BLM: variants seen among roughly 807,000 people sequenced by gnomAD.
The protein encoded by BLM is recQ-like DNA helicase BLM.
A neutral mutation model predicts 135.3 loss-of-function variants in BLM; 95 were observed. The observed-to-expected ratio is 0.70, with a 90% confidence interval of 0.59 to 0.83. The LOEUF is 0.83. Ranked by LOEUF, BLM falls within the 40% of genes least tolerant of loss-of-function variation. BLM has a pLI of 0.00. For missense variants in BLM, 1,518 were observed against 1,663.9 expected, an observed-to-expected ratio of 0.91 and a Z score of 1.53; for synonymous variants, 520 against 589.2, an observed-to-expected ratio of 0.88 and a Z score of 1.70.
intron 1 of BLM, among the ~76,000 whole-genome samples, chr15:90,742,488 G>A (rs904420620): frequency 6.6e-6 from 1 of 152,056 alleles, no homozygotes; most frequent in Non-Finnish European, 1.5e-5. Context: ...AGTAAGGTTT[G>A]ACCTAGTCTT....
At chr15:90,792,800 A>G (rs1430497646) in intron 15 of BLM, among the ~76,000 whole-genome samples, 1 of 152,150 alleles carries the variant, frequency 6.6e-6, no homozygotes, top group Admixed American at 6.5e-5. Context: ...CAGAACTAGT[A>G]AATGGTAGAG....
At chr15:90,772,715 A>C (rs947182586) in intron 12 of BLM, among the ~76,000 whole-genome samples, 3 of 152,210 alleles carry the variant, frequency 2.0e-5, no homozygotes, top group Admixed American at 1.3e-4. Flanking sequence ...AGAAGACAAG[A>C]TAAGCTAGAA....
At chr15:90,757,991 C>T (rs1895864622) in intron 5 of BLM, among the ~76,000 whole-genome samples, 4 of 151,918 alleles carry the variant, frequency 2.6e-5, no homozygotes, top group South Asian at 2.1e-4. Flanking sequence ...AAGTGATTCT[C>T]CTGCCTCAGC....
intron 1 of BLM, among the ~76,000 whole-genome samples, chr15:90,746,832 T>C (rs1463394020): frequency 1.3e-5 from 2 of 152,186 alleles, no homozygotes; most frequent in Non-Finnish European, 2.9e-5. Flanking sequence ...GAGATATAAA[T>C]GTGCTTGGTA....
rs749559270 is a variant in BLM at position 90,798,203 on chromosome 15, G to A, written c.3224G>A (p.Arg1075Lys). The A allele has an allele frequency of 6.2e-7, 1 of 1,606,510 alleles. No homozygotes were observed. The highest frequency in any genetic ancestry group is 8.5e-7 in the Non-Finnish European group (1 of 1,174,122). Residue 1075 changes from arginine to lysine, a missense_variant, in exon 17 of 22, where the codon AGA (arginine) becomes AAA (lysine). Physicochemically the swap from Arg to Lys is conservative, Grantham distance 26. Transcript: ENST00000355112. Reference protein sequence around the residue: ...NCCKTKDYKTRDVTDDVKSIV... With the variant: ...NCCKTKDYKTKDVTDDVKSIV... The stretch of plus-strand genomic sequence containing the variant: ...TTTTATTCATAGGATTATAAAACAA[G>A]AGATGTGACTGACGATGTGAAAAGT...
intron 2 of BLM, 55 bp downstream of exon 2, chr15:90,747,545 A>T: frequency 9.3e-7 from 1 of 1,080,878 alleles, no homozygotes; most frequent in Non-Finnish European, 1.4e-6. Flanking sequence ...CACATTGTAC[A>T]CATGAGATAT....
intron 1 of BLM, among the ~76,000 whole-genome samples, chr15:90,737,311 A>G (rs922988845): frequency 1.3e-5 from 2 of 152,180 alleles, no homozygotes; most frequent in Non-Finnish European, 2.9e-5. Flanking sequence ...ATGGATGTAT[A>G]GCTGTAGATA....
At chr15:90,785,143 G>T (rs958657692) in intron 14 of BLM, 62 bp downstream of exon 14, 48 of 1,524,048 alleles carry the variant, frequency 3.1e-5, no homozygotes, top group Non-Finnish European at 3.8e-5. Context: ...AACCAAACAT[G>T]CACATGTAGA....
In BLM at chr15:90,743,734, T is replaced by G. The variant is rs115881175; in HGVS notation, c.-4-3655T>G. Among the ~76,000 whole-genome samples the G allele has an allele frequency of 9.3e-3, 1,412 of 152,306 alleles. 18 individuals carry two copies. Among genetic ancestry groups the G allele is most frequent in the African/African-American group, 0.033 (1,363 of 41,548 alleles). On this transcript the variant is annotated intron_variant, in intron 1 of 21. Coordinates refer to ENST00000355112, the MANE Select transcript of BLM (RefSeq NM_000057.4). ...GTGTCCAACAATTGTATCGATATTT[T>G]GATGGAGTATGTACAGAAGAGACAC...
chr15:90,741,580 A>C (rs968175430), intron 1 of BLM, among the ~76,000 whole-genome samples: 1 of 151,894 alleles, frequency 6.6e-6, no homozygotes, highest in African/African-American at 2.4e-5. Flanking sequence ...TGTTTTCTCT[A>C]TCTCTCTGTG....
At chr15:90,743,844 A>G (rs1202638816) in intron 1 of BLM, among the ~76,000 whole-genome samples, 1 of 152,230 alleles carries the variant, frequency 6.6e-6, no homozygotes, top group Non-Finnish European at 1.5e-5. Context: ...TCATTACCAT[A>G]CTTCAGAATA....
At chr15:90,753,433 A>C (rs1414402849) in intron 4 of BLM, among the ~76,000 whole-genome samples, 2 of 152,226 alleles carry the variant, frequency 1.3e-5, no homozygotes, top group Non-Finnish European at 2.9e-5. Flanking sequence ...TCCAATTGCT[A>C]CATATTTAAT....
At chr15:90,787,633 G>A (rs1896786115) in intron 14 of BLM, among the ~76,000 whole-genome samples, 1 of 152,052 alleles carries the variant, frequency 6.6e-6, no homozygotes, top group African/African-American at 2.4e-5. Context: ...AGATCACAGG[G>A]TGAGATGAAG....
At chr15:90,759,610 T>C (rs895801651) in intron 5 of BLM, among the ~76,000 whole-genome samples, 2 of 151,676 alleles carry the variant, frequency 1.3e-5, no homozygotes, top group African/African-American at 4.9e-5. Flanking sequence ...TCTTTCTTTC[T>C]TTCTTTTTTT....
At chr15:90,783,702 C>G (rs1006162756) in intron 13 of BLM, among the ~76,000 whole-genome samples, 1 of 152,156 alleles carries the variant, frequency 6.6e-6, no homozygotes, top group Admixed American at 6.6e-5. Flanking sequence ...GATTTCAAGA[C>G]CAGCCTGGCC....
intron 13 of BLM, 119 bp downstream of exon 13, chr15:90,783,047 C>G: frequency 1.3e-6 from 1 of 785,672 alleles, no homozygotes; most frequent in African/African-American, 1.7e-5. Context: ...CACTAACTTG[C>G]TCTTTATAGA....
intron 13 of BLM, 76 bp downstream of exon 13, chr15:90,783,004 G>A (rs1336718282): frequency 8.4e-6 from 10 of 1,189,260 alleles, no homozygotes; most frequent in Non-Finnish European, 3.7e-6. Flanking sequence ...ATATAAAATT[G>A]CATATTAAAC....
intron 12 of BLM, among the ~76,000 whole-genome samples, chr15:90,777,115 C>T (rs1267437156): frequency 6.6e-6 from 1 of 150,532 alleles, no homozygotes; most frequent in Admixed American, 6.6e-5. Flanking sequence ...GTAGCTGGGA[C>T]TACAGGCACA....
chr15:90,754,951 T>C lies in BLM; in HGVS notation c.1087+13T>C. 6.2e-7 allele frequency: 1 copy of C among 1,613,402 alleles called. No individual in the cohort carries two copies. Among genetic ancestry groups the C allele is most frequent in the Non-Finnish European group, 8.5e-7 (1 of 1,179,842 alleles). ...ACAGACTGTGACGGTACAAGCAATATTTTAGACATACCATGTATTTCAACT... is the reference window on the plus strand; with the variant it reads ...ACAGACTGTGACGGTACAAGCAATACTTTAGACATACCATGTATTTCAACT... On this transcript the variant is annotated intron_variant, in intron 5 of 21. Transcript: ENST00000355112.
Sources: allele counts gnomAD v4.1 joint callset (sites outside exome capture counted in the v4.1 genomes callset), GRCh38; gene constraint gnomAD v4.1.1; transcripts MANE v1.5; gene names NCBI Gene and HGNC (gene_info 2026-07-23, HGNC 2026-07-21).